Variants in PIP5K1A observed in about 807,000 individuals in gnomAD.
PIP5K1A encodes the protein phosphatidylinositol-4-phosphate 5-kinase type 1 alpha.
PIP5K1A carries 46 observed loss-of-function variants against 72.9 expected under a neutral mutation model. The observed-to-expected ratio is 0.63, with a 90% confidence interval of 0.50 to 0.81. The LOEUF is 0.81. PIP5K1A is among the 30% of genes least tolerant of loss of function. The pLI, the probability that PIP5K1A is intolerant of heterozygous loss-of-function variation, is 0.00. For missense variants in PIP5K1A, 458 were observed against 706.1 expected (o/e 0.65, Z 3.98); for synonymous variants, 228 against 255.1 (o/e 0.89, Z 1.01).
At chr1:151,214,778 G>T in intron 1 of PIP5K1A, among the ~76,000 whole-genome samples, 1 of 152,244 alleles carries the variant, frequency 6.6e-6, no homozygotes, top group Non-Finnish European at 1.5e-5. Context: ...GCGCAATGGT[G>T]TGATCTTGGC....
At chr1:151,201,703 T>C (rs1199995994) in intron 1 of PIP5K1A, among the ~76,000 whole-genome samples, 5 of 151,714 alleles carry the variant, frequency 3.3e-5, no homozygotes, top group Admixed American at 6.6e-5. Context: ...TACTAAAAAA[T>C]ACAAAAAAAT....
At position 151,199,280 on chromosome 1, in the gene PIP5K1A, CTT is replaced by C. The variant is rs1393120994; in HGVS notation, c.85+201_85+202del. On this transcript the variant is annotated intron_variant, in intron 1 of 15. Coordinates refer to ENST00000368888, the MANE Select transcript of PIP5K1A (RefSeq NM_001135638.2). ...AGTTTGATTAAGAAGTTGTCGAAAA[CTT>C]TGGTTGTCTTTGAGGAGGACGGATG... 7 of 1,103,138 alleles carry C rather than the reference CTT, an allele frequency of 6.3e-6. 1 individual carries two copies. The Admixed American group carries it at 1.7e-4, about 27-fold the overall frequency. The allele number at this position is 1,103,138 out of a possible 1,614,324, so 68.3% of individuals were successfully genotyped here. A position where few individuals can be genotyped will look rare whatever the true frequency, so the allele number is the denominator to read the frequency against.
chr1:151,238,347 C>A, intron 10 of PIP5K1A, 82 bp downstream of exon 10: 1 of 913,608 alleles, frequency 1.1e-6, no homozygotes, highest in Non-Finnish European at 1.8e-6. Flanking sequence ...GGTTTGTTAC[C>A]AAGTTCTTCC....
chr1:151,215,044 T>A (rs940481635), intron 1 of PIP5K1A, among the ~76,000 whole-genome samples: 6 of 149,974 alleles, frequency 4.0e-5, no homozygotes, highest in African/African-American at 1.5e-4. Flanking sequence ...TTTTTTTTTT[T>A]TTTGAGATGG....
Position 151,214,176 on chromosome 1 carries a change from A to G in PIP5K1A, c.86-10069A>G, listed in dbSNP as rs1687251127. Among the ~76,000 whole-genome samples the G allele has an allele frequency of 3.3e-5, 5 of 152,226 alleles. No homozygotes were observed. In the South Asian group the frequency reaches 1.0e-3, roughly 32 times the overall value. On this transcript the variant is annotated intron_variant, in intron 1 of 15. Coordinates refer to ENST00000368888, the MANE Select transcript of PIP5K1A (RefSeq NM_001135638.2). Reference sequence around the variant, plus strand: ...GTATATTATCAGTTCCCTATTGTTCACTTAGATTCTTTCCAATAATGGGAT... The same window carrying G: ...GTATATTATCAGTTCCCTATTGTTCGCTTAGATTCTTTCCAATAATGGGAT...
intron 1 of PIP5K1A, among the ~76,000 whole-genome samples, chr1:151,211,960 A>G (rs1686882194): frequency 6.6e-6 from 1 of 151,520 alleles, no homozygotes; most frequent in South Asian, 2.1e-4. Context: ...AATAAAAAAA[A>G]AATTAGCTGG....
At chr1:151,226,868 A>C (rs1486783856) in intron 3 of PIP5K1A, among the ~76,000 whole-genome samples, 1 of 150,944 alleles carries the variant, frequency 6.6e-6, no homozygotes, top group East Asian at 1.9e-4. Context: ...CTCTACTAAA[A>C]ATACAAAAAT....
intron 1 of PIP5K1A, among the ~76,000 whole-genome samples, chr1:151,216,936 G>A (rs61817974): frequency 8.1e-4 from 10 of 12,336 alleles, no homozygotes; most frequent in South Asian, 3.2e-3. Flanking sequence ...TTTTTGAGAC[G>A]GAGTCTCGCT....
intron 3 of PIP5K1A, among the ~76,000 whole-genome samples, chr1:151,225,976 G>A (rs971505709): frequency 6.6e-6 from 1 of 151,502 alleles, no homozygotes; most frequent in South Asian, 2.1e-4. Context: ...ATGGAGATTT[G>A]CCATGTTGCC....
At chr1:151,220,151 G>A (rs1329065693) in intron 1 of PIP5K1A, among the ~76,000 whole-genome samples, 3 of 151,498 alleles carry the variant, frequency 2.0e-5, no homozygotes, top group African/African-American at 7.3e-5. Flanking sequence ...GATTACAGGT[G>A]GTGTCATCAT....
At chr1:151,241,863 T>C (rs1691769007) in intron 12 of PIP5K1A, among the ~76,000 whole-genome samples, 1 of 151,222 alleles carries the variant, frequency 6.6e-6, no homozygotes, top group Admixed American at 6.6e-5. Flanking sequence ...AGTAAAGCAG[T>C]CATCAAGGCT....
upstream of PIP5K1A, among the ~76,000 whole-genome samples, chr1:151,196,258 C>G (rs1463752704): frequency 6.6e-6 from 1 of 152,082 alleles, no homozygotes; most frequent in Non-Finnish European, 1.5e-5. Context: ...TTTCGGAAAA[C>G]AAGGATAATT....
rs769150660 is a variant in PIP5K1A at position 151,206,986 on chromosome 1, T to G, written c.85+7905T>G. 8.6e-5 allele frequency among the ~76,000 whole-genome samples: 13 copies of G among 152,034 alleles called. No individual in the cohort carries two copies. The South Asian group carries it at 2.3e-3, about 27-fold the overall frequency. On this transcript the variant is annotated intron_variant, in intron 1 of 15. Transcript: ENST00000368888. ...CTGGGTTCAAGCGATTCTCCTGTCTTAGCCTCCCTAGTAGCTGGGATTACA... is the reference window on the plus strand; with the variant it reads ...CTGGGTTCAAGCGATTCTCCTGTCTGAGCCTCCCTAGTAGCTGGGATTACA...
chr1:151,239,504 T>A (rs965939258), intron 11 of PIP5K1A, among the ~76,000 whole-genome samples: 3 of 151,984 alleles, frequency 2.0e-5, no homozygotes, highest in Non-Finnish European at 4.4e-5. Flanking sequence ...ACTCCTGACC[T>A]CAAAGTGATC....
upstream of PIP5K1A, among the ~76,000 whole-genome samples, chr1:151,196,686 C>G (rs754169139): frequency 6.7e-6 from 1 of 149,586 alleles, no homozygotes; most frequent in Non-Finnish European, 1.5e-5. Context: ...TCCGGCGTAG[C>G]GAGTAGCTGG....
chr1:151,228,752 G>GTAA (rs1481383687), intron 4 of PIP5K1A, among the ~76,000 whole-genome samples: 1 of 152,096 alleles, frequency 6.6e-6, no homozygotes, highest in African/African-American at 2.4e-5. Flanking sequence ...TCTGGCCTAT[G>GTAA]TAAATTTTGT....
chr1:151,242,317 T>C lies in PIP5K1A; in HGVS notation c.1510+48T>C, dbSNP rs587617105. The C allele has an allele frequency of 2.1e-5, 33 of 1,607,056 alleles. No individual in the cohort carries two copies. In the African/African-American group the frequency reaches 2.5e-4, roughly 12 times the overall value. ...CCATGTGATTGGGTACTCCCTCCCTTCCTTCTGAGCCTTTATCTTGTCTGG... is the reference window on the plus strand; with the variant it reads ...CCATGTGATTGGGTACTCCCTCCCTCCCTTCTGAGCCTTTATCTTGTCTGG... On this transcript the variant is annotated intron_variant, in intron 13 of 15. Transcript: ENST00000368888.
chr1:151,236,736 G>A lies in PIP5K1A; in HGVS notation c.1118G>A (p.Arg373Gln), dbSNP rs917226973. The stretch of plus-strand genomic sequence containing the variant: ...GAATCCATCCAGGGAGAGGCTCGAC[G>A]GGGTGGTACCATGGAGACTGATGAC... ...AMESIQGEARRGGTMETDDHM... is the reference protein window; with the variant it reads ...AMESIQGEARQGGTMETDDHM... The change falls in exon 9 of 16, where the codon CGG becomes CAG. Residue 373 changes from arginine to glutamine, a missense_variant. Transcript: ENST00000368888. 14 of 1,613,776 alleles carry A rather than the reference G, an allele frequency of 8.7e-6. No individual in the cohort carries two copies. Among genetic ancestry groups the A allele is most frequent in the Admixed American group, 6.7e-5 (4 of 59,966 alleles).
intron 4 of PIP5K1A, among the ~76,000 whole-genome samples, chr1:151,230,427 G>A (rs1689873971): frequency 6.6e-6 from 1 of 152,254 alleles, no homozygotes; most frequent in South Asian, 2.1e-4. Context: ...GATTGTAAGA[G>A]TGGGGCTCTT....
Sources: allele counts gnomAD v4.1 joint callset (sites outside exome capture counted in the v4.1 genomes callset), GRCh38; gene constraint gnomAD v4.1.1; transcripts MANE v1.5; gene names NCBI Gene and HGNC (gene_info 2026-07-23, HGNC 2026-07-21).